VPS13B: variants seen among roughly 807,000 people sequenced by gnomAD.
VPS13B encodes the protein vacuolar protein sorting 13 homolog B.
VPS13B carries 285 observed loss-of-function variants against 426.4 expected under a neutral mutation model. The ratio of observed to expected loss-of-function variants is 0.67; its 90% CI spans 0.61 to 0.74. The LOEUF is 0.74. Ranked by LOEUF, VPS13B falls within the 30% of genes least tolerant of loss-of-function variation. VPS13B has a pLI of 0.00. For synonymous variants in VPS13B, 1,676 were observed against 1,676.4 expected (o/e 1.00, Z 0.01); for missense variants, 4,537 against 4,782.6 (o/e 0.95, Z 1.51).
intron 17 of VPS13B, among the ~76,000 whole-genome samples, chr8:99,219,043 C>G (rs1471397793): frequency 6.6e-6 from 1 of 152,170 alleles, no homozygotes; most frequent in African/African-American, 2.4e-5. Context: ...CTGTGGTCAT[C>G]AGCATGAGTG....
chr8:99,023,633 A>G (rs1422818167), intron 2 of VPS13B, among the ~76,000 whole-genome samples: 2 of 152,038 alleles, frequency 1.3e-5, no homozygotes, highest in South Asian at 2.1e-4. Flanking sequence ...GGTGCACGCC[A>G]CCACACCTGG....
At chr8:99,526,847 A>C (rs1484084632) in intron 30 of VPS13B, among the ~76,000 whole-genome samples, 1 of 152,116 alleles carries the variant, frequency 6.6e-6, no homozygotes, top group African/African-American at 2.4e-5. Context: ...AAGGATCTTG[A>C]TAAAATGTGG....
chr8:99,466,210 T>C (rs1294754731), intron 23 of VPS13B, among the ~76,000 whole-genome samples: 1 of 152,112 alleles, frequency 6.6e-6, no homozygotes, highest in Non-Finnish European at 1.5e-5. Context: ...TAAGTGTTAA[T>C]ATTATTTATT....
chr8:99,103,677 T>C (rs187300102), intron 5 of VPS13B, among the ~76,000 whole-genome samples: 106 of 152,004 alleles, frequency 7.0e-4, no homozygotes, highest in African/African-American at 2.5e-3. Context: ...TTTTTTGTAT[T>C]TTTAGTAGAG....
intron 19 of VPS13B, among the ~76,000 whole-genome samples, chr8:99,299,649 T>C (rs927412134): frequency 2.6e-5 from 4 of 151,896 alleles, no homozygotes; most frequent in Non-Finnish European, 4.4e-5. Context: ...CGGTGGCTCA[T>C]GCCTGTAATC....
At chr8:99,697,316 A>G in intron 35 of VPS13B, 1 of 575,184 alleles carries the variant, frequency 1.7e-6, no homozygotes, top group South Asian at 2.0e-5. Flanking sequence ...TCGCGCCCGA[A>G]GGTGTGGAAG....
chr8:99,134,594 A>G (rs753616781), intron 8 of VPS13B, 38 bp from the exon 9 acceptor site: 1 of 1,480,420 alleles, frequency 6.8e-7, no homozygotes, highest in South Asian at 1.2e-5. Context: ...GCTCTTTAAT[A>G]CTAAATTTGA....
chr8:99,033,820 C>T (rs910554962), intron 2 of VPS13B, among the ~76,000 whole-genome samples: 3 of 151,836 alleles, frequency 2.0e-5, no homozygotes, highest in Non-Finnish European at 2.9e-5. Context: ...CATTTGAACC[C>T]GGGAGGCAGA....
intron 3 of VPS13B, among the ~76,000 whole-genome samples, chr8:99,056,207 C>T (rs908199371): frequency 2.0e-5 from 3 of 152,004 alleles, no homozygotes; most frequent in African/African-American, 7.2e-5. Context: ...CAGGTGTGCG[C>T]CACTATGCCC....
At chr8:99,260,787 C>T (rs900332433) in intron 17 of VPS13B, among the ~76,000 whole-genome samples, 2 of 151,988 alleles carry the variant, frequency 1.3e-5, no homozygotes, top group African/African-American at 4.8e-5. Flanking sequence ...AAGAACCAAA[C>T]TCTGTCCCCT....
intron 35 of VPS13B, among the ~76,000 whole-genome samples, chr8:99,674,013 C>T (rs757389553): frequency 5.9e-5 from 9 of 151,916 alleles, no homozygotes; most frequent in African/African-American, 9.7e-5. Context: ...GACTTGTGAT[C>T]TGTCTTGGAG....
intron 45 of VPS13B, 113 bp from the exon 46 acceptor site, chr8:99,818,338 T>C (rs573900839): frequency 1.7e-5 from 19 of 1,139,606 alleles, no homozygotes; most frequent in East Asian, 9.8e-5. Flanking sequence ...AATGGCTTTT[T>C]CCCTAAACTT....
rs373467914 is a variant in VPS13B at position 99,221,861 on chromosome 8, G to A, written c.2515+28804G>A. Among the ~76,000 whole-genome samples, 14 of 152,112 alleles carry A rather than the reference G, an allele frequency of 9.2e-5. 1 individual carries two copies. In the East Asian group the frequency reaches 2.7e-3, roughly 29 times the overall value. ...GCAGCTGATACTACAGCTGTGCACC[G>A]CCATGCCCAGCCAGTACCTCAGCTT... is the stretch of plus-strand genomic sequence containing the variant. On this transcript the variant is annotated intron_variant, in intron 17 of 61. Coordinates refer to ENST00000357162, the MANE Select transcript of VPS13B (RefSeq NM_152564.5).
At chr8:99,621,653 A>C (rs899643229) in intron 33 of VPS13B, among the ~76,000 whole-genome samples, 3 of 152,142 alleles carry the variant, frequency 2.0e-5, no homozygotes. Flanking sequence ...ATGTAAGATA[A>C]GTTATTTTTG....
intron 2 of VPS13B, among the ~76,000 whole-genome samples, chr8:99,028,745 G>A (rs1415419209): frequency 2.1e-5 from 3 of 144,308 alleles, no homozygotes; most frequent in Admixed American, 1.4e-4. Context: ...CCTCCTGGAC[G>A]GGGCAACTGG....
intron 35 of VPS13B, among the ~76,000 whole-genome samples, chr8:99,671,930 G>A (rs895529797): frequency 5.3e-5 from 8 of 152,088 alleles, no homozygotes; most frequent in African/African-American, 1.9e-4. Flanking sequence ...GAACTAATTA[G>A]CTAATACATG....
intron 33 of VPS13B, among the ~76,000 whole-genome samples, chr8:99,584,994 T>C (rs1237871975): frequency 6.6e-6 from 1 of 152,218 alleles, no homozygotes; most frequent in East Asian, 1.9e-4. Flanking sequence ...TGTAACTGAC[T>C]TAATTTTTCT....
intron 24 of VPS13B, among the ~76,000 whole-genome samples, chr8:99,468,895 C>T (rs1377609561): frequency 6.6e-6 from 1 of 152,122 alleles, no homozygotes; most frequent in East Asian, 1.9e-4. Context: ...GGACTATCAG[C>T]TTGCATTCCA....
intron 16 of VPS13B, among the ~76,000 whole-genome samples, chr8:99,191,629 G>A (rs1402823928): frequency 3.3e-5 from 5 of 151,772 alleles, no homozygotes; most frequent in Admixed American, 1.3e-4. Flanking sequence ...TGATCCGCCC[G>A]CCTCGGCCTC....
Sources: gnomAD v4.1 joint callset for allele counts (sites outside exome capture counted in the v4.1 genomes callset) on GRCh38, gnomAD v4.1.1 for gene constraint, MANE v1.5 for transcripts, NCBI Gene and HGNC (gene_info 2026-07-23, HGNC 2026-07-21) for gene names.